ATP9A: variants seen among roughly 807,000 people sequenced by gnomAD.
The protein encoded by ATP9A is probable phospholipid-transporting ATPase IIA.
Under a neutral mutation model 144.1 loss-of-function variants are expected in ATP9A, and 52 were observed. The ratio of observed to expected loss-of-function variants is 0.36; its 90% confidence interval spans 0.29 to 0.45. The LOEUF (loss-of-function observed/expected upper bound fraction) is 0.45. Ranked by LOEUF, ATP9A falls within the 20% of genes least tolerant of loss-of-function variation. The pLI is 1.00. For synonymous variants in ATP9A, 582 were observed against 557.4 expected (o/e 1.04, Z -0.62); for missense variants, 947 against 1,392.7 (o/e 0.68, Z 5.09).
chr20:51,641,831 C>CAAAAA (rs1218133688), intron 14 of ATP9A, among the ~76,000 whole-genome samples: 3 of 79,680 alleles, frequency 3.8e-5, no homozygotes, highest in Non-Finnish European at 7.1e-5. Context: ...AACTCCATCT[C>CAAAAA]AAAAAAAAAA....
intron 9 of ATP9A, among the ~76,000 whole-genome samples, chr20:51,686,633 A>C (rs2077524317): frequency 6.6e-6 from 1 of 152,230 alleles, no homozygotes; most frequent in Non-Finnish European, 1.5e-5. Context: ...ATTTGCAATT[A>C]AATCAAAATT....
At chr20:51,738,679 C>T (rs2077772596) in intron 1 of ATP9A, among the ~76,000 whole-genome samples, 1 of 151,488 alleles carries the variant, frequency 6.6e-6, no homozygotes, top group African/African-American at 2.4e-5. Flanking sequence ...CACTGCACTA[C>T]AGTCTGGGCG....
At chr20:51,666,268 T>G (rs961992697) in intron 13 of ATP9A, among the ~76,000 whole-genome samples, 2 of 152,096 alleles carry the variant, frequency 1.3e-5, no homozygotes, top group Non-Finnish European at 2.9e-5. Flanking sequence ...TGTTCTCCAA[T>G]GCTACTGTAC....
At chr20:51,646,921 C>T (rs6096516) in intron 14 of ATP9A, among the ~76,000 whole-genome samples, 124 of 152,104 alleles carry the variant, frequency 8.2e-4, no homozygotes, top group African/African-American at 2.8e-3. Context: ...GCCTCAAGAC[C>T]AGCCTGGCCA....
Position 51,690,837 on chromosome 20 carries a change from C to T in ATP9A, c.643-18G>A, listed in dbSNP as rs375279306. ...AGAAGGTCCTGTTCAACAGAAGGCACATTCGGGAGTCAAAGTCAGTTCACA... is the reference window on the plus strand; with the variant it reads ...AGAAGGTCCTGTTCAACAGAAGGCATATTCGGGAGTCAAAGTCAGTTCACA... On this transcript the variant is annotated intron_variant, in intron 7 of 27. Transcript: ENST00000338821. 4 of 1,609,628 alleles carry T rather than the reference C, an allele frequency of 2.5e-6. No individual in the cohort carries two copies. In the Admixed American group the frequency reaches 6.7e-5, roughly 27 times the overall value.
At chr20:51,741,879 G>A (rs1351126487) in intron 1 of ATP9A, among the ~76,000 whole-genome samples, 1 of 152,204 alleles carries the variant, frequency 6.6e-6, no homozygotes, top group Non-Finnish European at 1.5e-5. Flanking sequence ...CAAGGATGCT[G>A]CGAGACACCT....
At chr20:51,636,521 T>C (rs1441672867) in intron 15 of ATP9A, among the ~76,000 whole-genome samples, 2 of 151,734 alleles carry the variant, frequency 1.3e-5, no homozygotes, top group South Asian at 2.1e-4. Context: ...AGCTTTTCGA[T>C]GTCCCTCTCG....
Position 51,618,112 on chromosome 20 carries a change from C to A in ATP9A, c.2350+550G>T, listed in dbSNP as rs150034737. Among the ~76,000 whole-genome samples, 171 of 151,676 alleles carry A rather than the reference C, an allele frequency of 1.1e-3. 1 individual carries two copies. The highest frequency in any genetic ancestry group is 0.01 in the Middle Eastern group (3 of 294). On this transcript the variant is annotated intron_variant, in intron 21 of 27. Coordinates refer to ENST00000338821, the MANE Select transcript of ATP9A (RefSeq NM_006045.3). ...GTGCACGCCTGCAGTCCCAGCAACTCGGGAGGCTGAGGCAGGAGAATCACT... is the reference window on the plus strand; with the variant it reads ...GTGCACGCCTGCAGTCCCAGCAACTAGGGAGGCTGAGGCAGGAGAATCACT...
chr20:51,650,139 G>A (rs2122760793), intron 14 of ATP9A, among the ~76,000 whole-genome samples: 2 of 152,284 alleles, frequency 1.3e-5, no homozygotes, highest in Middle Eastern at 3.4e-3. Flanking sequence ...AGGTCACAGT[G>A]CAATGATATT....
chr20:51,743,265 T>C (rs375483880), intron 1 of ATP9A, among the ~76,000 whole-genome samples: 22 of 152,264 alleles, frequency 1.4e-4, no homozygotes, highest in African/African-American at 4.6e-4. Context: ...AGCTGTCACG[T>C]TGGTGTTGTG....
At chr20:51,603,054 G>T (rs957228288) in intron 27 of ATP9A, among the ~76,000 whole-genome samples, 2 of 132,328 alleles carry the variant, frequency 1.5e-5, no homozygotes, top group Admixed American at 1.5e-4. Context: ...CACGGAGGAT[G>T]GGGCGTGAGG....
rs779331194 is a variant in ATP9A, at chr20:51,629,049, C to G, written c.1692G>C (p.Thr564=). The part of the protein sequence containing the change: ...IVRDESTGEI[T]FYMKGADVVM... ...CCACATCTGCTCCCTTCATGTAAAA[C>G]GTAATTTCTCCAGTTGATTCATCCT... The change falls in exon 16 of 28, where the codon ACG becomes ACC. Residue 564 remains threonine (T), a synonymous_variant. Transcript: ENST00000338821. 8 of 1,613,922 alleles carry G rather than the reference C, an allele frequency of 5.0e-6. No individual in the cohort carries two copies. In the African/African-American group the frequency reaches 9.3e-5, roughly 19 times the overall value.
intron 17 of ATP9A, among the ~76,000 whole-genome samples, chr20:51,626,359 C>G (rs2077248482): frequency 6.6e-6 from 1 of 151,738 alleles, no homozygotes; most frequent in Admixed American, 6.6e-5. Flanking sequence ...CATGGTGGCA[C>G]ATGCCTGTAA....
intron 4 of ATP9A, among the ~76,000 whole-genome samples, chr20:51,708,909 G>A (rs1015107564): frequency 2.6e-5 from 4 of 152,104 alleles, no homozygotes; most frequent in Non-Finnish European, 5.9e-5. Context: ...TAGAGACCAA[G>A]GAGAGAGGAC....
intron 19 of ATP9A, among the ~76,000 whole-genome samples, chr20:51,620,579 G>A (rs1278922425): frequency 6.6e-6 from 1 of 151,936 alleles, no homozygotes; most frequent in East Asian, 1.9e-4. Context: ...TCTAACACAC[G>A]CATTCGCTCC....
rs566159996 is a variant in ATP9A at position 51,708,198 on chromosome 20, T to C, written c.436+4768A>G. ...TGGGCACAGTGGCTCACATCTGTAA[T>C]CCCAGCACTTTGGGAGGGTGAGGCG... On this transcript the variant is annotated intron_variant, in intron 4 of 27. Coordinates refer to ENST00000338821, the MANE Select transcript of ATP9A (RefSeq NM_006045.3). Among the ~76,000 whole-genome samples the C allele has an allele frequency of 1.9e-3, 295 of 151,908 alleles. 2 individuals carry two copies. Among genetic ancestry groups the C allele is most frequent in the African/African-American group, 6.9e-3 (284 of 41,448 alleles).
chr20:51,764,244 G>A (rs571361654), intron 1 of ATP9A, among the ~76,000 whole-genome samples: 2 of 152,330 alleles, frequency 1.3e-5, no homozygotes, highest in East Asian at 3.9e-4. Context: ...TGTGAACCCA[G>A]CTCCTCAATG....
chr20:51,607,836 G>C (rs2077169596), intron 25 of ATP9A, among the ~76,000 whole-genome samples: 1 of 152,046 alleles, frequency 6.6e-6, no homozygotes, highest in South Asian at 2.1e-4. Flanking sequence ...TTGAGGTCAG[G>C]AGTTTGAGAC....
intron 13 of ATP9A, among the ~76,000 whole-genome samples, 176 bp from the exon 14 acceptor site, chr20:51,657,326 T>G (rs2122770022): frequency 6.6e-6 from 1 of 152,046 alleles, no homozygotes; most frequent in Non-Finnish European, 1.5e-5. Flanking sequence ...GGTTTGTCAT[T>G]TATGCTCGGC....
Sources: allele counts gnomAD v4.1 joint callset (sites outside exome capture counted in the v4.1 genomes callset), GRCh38; gene constraint gnomAD v4.1.1; transcripts MANE v1.5; gene names NCBI Gene and HGNC (gene_info 2026-07-23, HGNC 2026-07-21).